COCH: variants seen among roughly 807,000 people sequenced by gnomAD.
COCH encodes the protein cochlin.
Under a neutral mutation model 54.8 loss-of-function variants are expected in COCH, and 40 were observed. The ratio of observed to expected loss-of-function variants is 0.73; its 90% CI spans 0.57 to 0.95. The LOEUF (loss-of-function observed/expected upper bound fraction) is 0.95, where lower values mean the gene tolerates loss of function less well. Among genes scored for constraint, COCH ranks in the 40% least tolerant of loss-of-function variants. The probability of loss-of-function intolerance (pLI) is 0.00; values close to 1 mark genes in which losing one functional copy is unlikely to be tolerated. For missense variants in COCH, 605 were observed against 675.0 expected (o/e 0.90, Z 1.15); for synonymous variants, 256 against 237.9 (o/e 1.08, Z -0.70).
At chr14:30,885,125 T>A in intron 9 of COCH, 1 of 1,525,802 alleles carries the variant, frequency 6.6e-7, no homozygotes, top group Non-Finnish European at 8.8e-7. Flanking sequence ...TGGCGATTGA[T>A]GTGGGGTAAA....
rs1272687324 is a variant in COCH at position 30,885,793 on chromosome 14, T to C, written c.961-3T>C. The C allele has an allele frequency of 6.2e-7, 1 of 1,613,982 alleles. No individual in the cohort carries two copies. The highest frequency in any genetic ancestry group is 1.7e-4 in the Middle Eastern group (1 of 6,060). On this transcript the variant is annotated splice_region_variant and splice_polypyrimidine_tract_variant and intron_variant, in intron 10 of 11. Coordinates refer to ENST00000396618, the MANE Select transcript of COCH (RefSeq NM_004086.3). ...GATATCTTTTATGTGTCTCCCCCAT[T>C]AGGCTGTCTGTCGGAATAATGGCTT...
downstream of COCH, chr14:30,893,747 A>G (rs1056132810): frequency 6.6e-6 from 1 of 152,560 alleles, no homozygotes; most frequent in Non-Finnish European, 1.5e-5. Flanking sequence ...TAGAATATCA[A>G]TAAGTAGGAC....
intron 8 of COCH, among the ~76,000 whole-genome samples, chr14:30,882,835 G>C (rs1408552331): frequency 1.3e-5 from 2 of 152,120 alleles, no homozygotes; most frequent in Non-Finnish European, 1.5e-5. Flanking sequence ...GCTGCAGTGA[G>C]CTATGATGGC....
At position 30,877,720 on chromosome 14, in the gene COCH, T is replaced by A. The variant is rs756970715; in HGVS notation, c.231T>A (p.Ala77=). 3.7e-6 allele frequency: 6 copies of A among 1,614,246 alleles called. 1 individual carries two copies. The South Asian group carries it at 4.4e-5, about 12-fold the overall frequency. The part of the protein sequence containing the change: ...YASVSSICGA[A]VHRGVISNSG... Reference sequence around the variant, plus strand: ...CTGTATCGAGCATATGTGGGGCTGCTGTCCACAGGTAAGCCCAAACACACC... The same window carrying A: ...CTGTATCGAGCATATGTGGGGCTGCAGTCCACAGGTAAGCCCAAACACACC... Residue 77 remains alanine (A), a synonymous_variant, in exon 4 of 12, where the codon GCT becomes GCA. Transcript: ENST00000396618. This position sits in a 1 kb window ranked among gnomAD's most constrained non-coding sequence, Gnocchi z 8.6.
At position 30,877,484 on chromosome 14, in the gene COCH, A is replaced by C; in HGVS notation, c.83-88A>C. 1 of 1,525,120 alleles carries C rather than the reference A, an allele frequency of 6.6e-7. No homozygotes were observed. Among genetic ancestry groups the C allele is most frequent in the East Asian group, 2.3e-5 (1 of 44,156 alleles). The allele number at this position is 1,525,120 out of a possible 1,614,324, so 94.5% of individuals were successfully genotyped here. The stretch of plus-strand genomic sequence containing the variant: ...CTAGAAGTGTAGAAATTAGGGAAGT[A>C]AAACTTAAATCTCACACTGTAGTCT... On this transcript the variant is annotated intron_variant, in intron 3 of 11. Coordinates refer to ENST00000396618, the MANE Select transcript of COCH (RefSeq NM_004086.3). This position sits in a 1 kb window ranked among gnomAD's most constrained non-coding sequence, Gnocchi z 8.6.
Position 30,880,488 on chromosome 14 carries a change from G to A in COCH, c.473G>A (p.Gly158Asp), listed in dbSNP as rs1566409005. The A allele has an allele frequency of 6.2e-7, 1 of 1,614,102 alleles. No individual in the cohort carries two copies. The highest frequency in any genetic ancestry group is 1.3e-5 in the African/African-American group (1 of 75,030). ...AAGAAAACACCCGAGAAGAAAACTGGCAATAAAGGTAAGAATCAAGATCTC... is the reference window on the plus strand; with the variant it reads ...AAGAAAACACCCGAGAAGAAAACTGACAATAAAGGTAAGAATCAAGATCTC... ...RLKKTPEKKT[G>D]NKDCKADIAF... Residue 158 changes from glycine (G) to aspartate (D), a missense_variant, in exon 7 of 12, where the codon GGC becomes GAC. By Grantham distance (94) the Gly-to-Asp change is moderately conservative (BLOSUM62 -1). Coordinates refer to ENST00000396618, the MANE Select transcript of COCH (RefSeq NM_004086.3).
In COCH at chr14:30,882,488, A is replaced by G. The variant is rs535329338; in HGVS notation, c.629+1754A>G. On this transcript the variant is annotated intron_variant, in intron 8 of 11. Coordinates refer to ENST00000396618, the MANE Select transcript of COCH (RefSeq NM_004086.3). ...TATTTTTTAAAAACTCAGACTATTA[A>G]AAATGCCCTGCATCCTGTTTTTTTC... Among the ~76,000 whole-genome samples, 7 of 151,974 alleles carry G rather than the reference A, an allele frequency of 4.6e-5. No homozygotes were observed. In the East Asian group the frequency reaches 1.4e-3, roughly 30 times the overall value.
In COCH at chr14:30,889,669, G is replaced by T. The variant is rs1294677118; in HGVS notation, c.1531G>T (p.Asp511Tyr). 6.2e-7 allele frequency: 1 copy of T among 1,613,948 alleles called. No homozygotes were observed. Among genetic ancestry groups the T allele is most frequent in the Non-Finnish European group, 8.5e-7 (1 of 1,179,964 alleles). Residue 511 changes from aspartate (D) to tyrosine (Y), a missense_variant, in exon 12 of 12, where the codon GAT becomes TAT. By Grantham distance (160) the Asp-to-Tyr change is radical. Transcript: ENST00000396618. ...TTGGGCACCTCTGGATGACCTGAAAGATATGGCTTCTAAACCGAAGGAGTC... is the reference window on the plus strand; with the variant it reads ...TTGGGCACCTCTGGATGACCTGAAATATATGGCTTCTAAACCGAAGGAGTC... ...VAWAPLDDLKDMASKPKESHA... is the reference protein window; with the variant it reads ...VAWAPLDDLKYMASKPKESHA...
At chr14:30,885,701 A>G (rs1012436139) in intron 10 of COCH, 81 bp downstream of exon 10, 1 of 1,519,090 alleles carries the variant, frequency 6.6e-7, no homozygotes, top group African/African-American at 1.4e-5. Context: ...ACTGCCTCTT[A>G]TCTAGATTAA....
At chr14:30,874,782 C>T (rs1895291341) in intron 1 of COCH, 134 bp from the exon 2 acceptor site, 2 of 819,926 alleles carry the variant, frequency 2.4e-6, no homozygotes, top group Admixed American at 2.0e-5. Context: ...GGGGCGCTGG[C>T]CTGGAGCAGC....
At chr14:30,880,558 A>G (rs577009320) in intron 7 of COCH, 29 bp from the exon 8 acceptor site, 1 of 1,614,118 alleles carries the variant, frequency 6.2e-7, no homozygotes, top group Admixed American at 1.7e-5. Context: ...TGAGACTGCT[A>G]ATGAGGGGAC....
downstream of COCH, among the ~76,000 whole-genome samples, chr14:30,893,342 C>T (rs1399689165): frequency 6.6e-6 from 1 of 151,814 alleles, no homozygotes; most frequent in Non-Finnish European, 1.5e-5. Flanking sequence ...TTAGTAGAGA[C>T]GGGGTTTCAT....
downstream of COCH, chr14:30,895,329 T>C (rs1896112806): frequency 1.4e-6 from 2 of 1,393,830 alleles, no homozygotes; most frequent in African/African-American, 1.4e-5. Context: ...TGTAGTGTCA[T>C]ATCAGTAACC....
intron 6 of COCH, 47 bp from the exon 7 acceptor site, chr14:30,880,405 T>C: frequency 1.9e-6 from 3 of 1,609,204 alleles, no homozygotes; most frequent in Non-Finnish European, 1.7e-6. Context: ...TTTCTTGCTA[T>C]GTAACTGTCT....
chr14:30,875,394 C>T (rs755039866), intron 3 of COCH: 81 of 596,340 alleles, frequency 1.4e-4, no homozygotes, highest in Middle Eastern at 4.4e-4. Flanking sequence ...ACCCCGGGCC[C>T]GCTGAGCGCC....
Position 30,886,354 on chromosome 14 carries a change from CG to C in COCH, c.1477+44del, listed in dbSNP as rs745707909. 3.1e-6 allele frequency: 5 copies of C among 1,605,104 alleles called. No homozygotes were observed. In the Admixed American group the frequency reaches 6.7e-5, roughly 22 times the overall value. On this transcript the variant is annotated intron_variant, in intron 11 of 11. Coordinates refer to ENST00000396618, the MANE Select transcript of COCH (RefSeq NM_004086.3). Reference sequence around the variant, plus strand: ...TTATAGGAGAAGGGAACAGAAAAAACGGTTCAGTGAATTTAGGAGTAAATAA... The same window carrying C: ...TTATAGGAGAAGGGAACAGAAAAAACGTTCAGTGAATTTAGGAGTAAATAA...
At chr14:30,880,526 T>C (rs775356889) in intron 7 of COCH, 30 bp downstream of exon 7, 8 of 1,614,088 alleles carry the variant, frequency 5.0e-6, no homozygotes, top group Non-Finnish European at 5.1e-6. Context: ...TTTGGGAAGG[T>C]AGCATTTTCC....
In COCH at chr14:30,875,058, G is replaced by T. The variant is rs1895303762; in HGVS notation, c.37G>T (p.Val13Leu). The change falls in exon 3 of 12, where the codon GTG becomes TTG. Residue 13 changes from valine to leucine, a missense_variant and splice_region_variant. By Grantham distance (32) the Val-to-Leu change is conservative. Transcript: ENST00000396618. ...CCCTCACGCTTCTCTCTTCGCAGGT[G>T]TGTGTCTGCTGCTGCTGCCGGGGCC... ...AAWIPALGLG[V>L]CLLLLPGPAG... 1.2e-6 allele frequency: 2 copies of T among 1,609,692 alleles called. No individual in the cohort carries two copies. The highest frequency in any genetic ancestry group is 1.7e-6 in the Non-Finnish European group (2 of 1,178,582).
rs7152503 is a variant in COCH, at chr14:30,890,198, C to T, written c.*407C>T. On this transcript the variant is annotated 3_prime_UTR_variant, in exon 12 of 12. Coordinates refer to ENST00000396618, the MANE Select transcript of COCH (RefSeq NM_004086.3). Reference sequence around the variant, plus strand: ...TATATAAGCAAAATGAAAAGAGAAACTTAAATGAACACAGCTCTTTAACAT... The same window carrying T: ...TATATAAGCAAAATGAAAAGAGAAATTTAAATGAACACAGCTCTTTAACAT... 4.3e-3 allele frequency: 4,298 copies of T among 990,266 alleles called. 133 individuals are homozygous for T. In the African/African-American group the frequency reaches 0.069, roughly 16 times the overall value. The allele number at this position is 990,266 out of a possible 1,614,324, so 61.3% of individuals were successfully genotyped here.
Sources: allele counts gnomAD v4.1 joint callset (sites outside exome capture counted in the v4.1 genomes callset), GRCh38; gene constraint gnomAD v4.1.1; non-coding constraint Gnocchi (gnomAD v3.1); transcripts MANE v1.5; gene names NCBI Gene and HGNC (gene_info 2026-07-23, HGNC 2026-07-21).